The following SYNJ2 variants were observed in gnomAD, a reference collection of about 807,000 sequenced individuals.
The protein encoded by SYNJ2 is polyphosphatidylinositol phosphatase SYNJ2.
A neutral mutation model predicts 141.3 loss-of-function variants in SYNJ2; 116 were observed. The observed-to-expected ratio is 0.82, with a 90% CI of 0.71 to 0.96. The LOEUF is 0.96. SYNJ2 is among the 40% of genes least tolerant of loss of function. SYNJ2 has a pLI of 0.00. For missense variants in SYNJ2, 1,873 were observed against 1,934.8 expected (o/e 0.97, Z 0.60); for synonymous variants, 745 against 777.7 (o/e 0.96, Z 0.70).
intron 25 of SYNJ2, among the ~76,000 whole-genome samples, chr6:158,091,182 T>C (rs753802832): frequency 6.6e-6 from 1 of 150,978 alleles, no homozygotes; most frequent in Non-Finnish European, 1.5e-5. Context: ...CCGGGCGTGA[T>C]GGTGGGTGAC....
chr6:158,069,964 C>T (rs1275989226), intron 14 of SYNJ2, among the ~76,000 whole-genome samples: 2 of 152,154 alleles, frequency 1.3e-5, no homozygotes, highest in East Asian at 3.8e-4. Context: ...GAAAAGGGTT[C>T]CTTGTTGGAA....
chr6:158,067,205 G>C (rs1256916050), intron 12 of SYNJ2, among the ~76,000 whole-genome samples: 7 of 152,218 alleles, frequency 4.6e-5, no homozygotes, highest in Non-Finnish European at 7.4e-5. Context: ...TTTTAGTAGA[G>C]ATGGGGTTTT....
chr6:158,059,408 G>T, intron 7 of SYNJ2, 55 bp downstream of exon 7: 5 of 1,543,022 alleles, frequency 3.2e-6, no homozygotes, highest in Non-Finnish European at 4.4e-6. Flanking sequence ...GGCCATGGTG[G>T]AGCGTTGAGC....
At chr6:158,037,415 TTTTG>T (rs1296932769) in intron 4 of SYNJ2, among the ~76,000 whole-genome samples, 2 of 147,612 alleles carry the variant, frequency 1.4e-5, no homozygotes, top group African/African-American at 5.1e-5. Context: ...TTTTTTTTTT[TTTTG>T]GAGACGGAGT....
At chr6:158,041,697 G>A (rs531909492) in intron 4 of SYNJ2, among the ~76,000 whole-genome samples, 41 of 152,266 alleles carry the variant, frequency 2.7e-4, no homozygotes, top group African/African-American at 3.6e-4. Flanking sequence ...TAAATAGATC[G>A]TGGGCATTGG....
chr6:157,987,388 A>G (rs1397225650), intron 1 of SYNJ2, among the ~76,000 whole-genome samples: 1 of 151,916 alleles, frequency 6.6e-6, no homozygotes, highest in Non-Finnish European at 1.5e-5. Flanking sequence ...ATCACCTCAA[A>G]TACTTCTTTG....
chr6:158,070,217 C>T lies in SYNJ2; in HGVS notation c.1940+544C>T. 2.0e-6 allele frequency: 2 copies of T among 985,466 alleles called. No individual in the cohort carries two copies. The highest frequency in any genetic ancestry group is 2.4e-6 in the Non-Finnish European group (2 of 829,992). 61.0% of individuals were successfully genotyped at this position (985,466 alleles called of 1,614,324 possible). The stretch of plus-strand genomic sequence containing the variant: ...CTGGAGGAACTCATCTTTTCCCCAG[C>T]TTGTGGTTGGCCTCATCTTACCACC... On this transcript the variant is annotated intron_variant, in intron 14 of 26. Transcript: ENST00000355585. The surrounding 1 kb of genome is among the most constrained non-coding windows in gnomAD (Gnocchi z 4.0).
intron 23 of SYNJ2, 48 bp from the exon 24 acceptor site, chr6:158,088,612 G>C (rs1160205154): frequency 6.9e-7 from 1 of 1,443,480 alleles, no homozygotes; most frequent in Non-Finnish European, 9.7e-7. Flanking sequence ...TGGCTGGGAA[G>C]TTGTGCCTTC....
intron 26 of SYNJ2, among the ~76,000 whole-genome samples, chr6:158,093,453 A>AC (rs33918121): frequency 0.099 from 4,458 of 44,846 alleles, 89 homozygotes; most frequent in African/African-American, 0.18. Flanking sequence ...AAAAAAACAA[A>AC]AAAAAAAAAA....
chr6:158,041,196 G>A (rs1211445442), intron 4 of SYNJ2, among the ~76,000 whole-genome samples: 2 of 152,122 alleles, frequency 1.3e-5, no homozygotes, highest in Admixed American at 1.3e-4. Context: ...CCACCCTGCT[G>A]GGCAAATGGG....
chr6:157,981,887 G>T lies in SYNJ2; in HGVS notation c.-75G>T. ...TGAAACTCTGGCAAGTTGCGGGCGC[G>T]CGGGGAGCTGTCGCGGGCAGCGCGC... On this transcript the variant is annotated 5_prime_UTR_variant, in exon 1 of 27. Coordinates refer to ENST00000355585, the MANE Select transcript of SYNJ2 (RefSeq NM_003898.4). The surrounding 1 kb of genome is among the most constrained non-coding windows in gnomAD (Gnocchi z 6.4). 8.4e-7 allele frequency: 1 copy of T among 1,192,198 alleles called. No individual in the cohort carries two copies. Among genetic ancestry groups the T allele is most frequent in the East Asian group, 3.3e-5 (1 of 30,578 alleles). The allele number at this position is 1,192,198 out of a possible 1,614,324, so 73.9% of individuals were successfully genotyped here.
rs772575524 is a variant in SYNJ2, at chr6:158,043,378, C to G, written c.774C>G (p.Phe258Leu). 26 of 1,613,978 alleles carry G rather than the reference C, an allele frequency of 1.6e-5. No homozygotes were observed. In the East Asian group the frequency reaches 3.8e-4, roughly 24 times the overall value. The change falls in exon 5 of 27, where the codon TTC becomes TTG. Residue 258 changes from phenylalanine (F) to leucine (L), a missense_variant. Physicochemically the swap from Phe to Leu is conservative, Grantham distance 22 (BLOSUM62 0). Transcript: ENST00000355585. The surrounding 1 kb of genome is among the most constrained non-coding windows in gnomAD (Gnocchi z 4.0). Reference protein sequence around the residue: ...FVQIRGSVPLFWEQPGLQVGS... With the variant: ...FVQIRGSVPLLWEQPGLQVGS... ...AGATCAGAGGCTCCGTTCCGCTGTT[C>G]TGGGAACAGCCAGGGCTTCAGGTAG...
chr6:158,068,285 G>C (rs896012582), intron 12 of SYNJ2, among the ~76,000 whole-genome samples: 1 of 152,094 alleles, frequency 6.6e-6, no homozygotes, highest in East Asian at 1.9e-4. Context: ...TGGGGAGGTG[G>C]GCCTCTCACT....
chr6:157,983,868 C>T (rs923175237), intron 1 of SYNJ2, among the ~76,000 whole-genome samples: 1 of 151,668 alleles, frequency 6.6e-6, no homozygotes. Context: ...TCTTCTGTTG[C>T]CTAGGCTGGC....
Position 158,092,947 on chromosome 6 carries a change from G to T in SYNJ2, c.3587G>T (p.Ser1196Ile), listed in dbSNP as rs1210781149. The T allele has an allele frequency of 1.9e-6, 3 of 1,595,060 alleles. No homozygotes were observed. Among genetic ancestry groups the T allele is most frequent in the African/African-American group, 2.7e-5 (2 of 73,102 alleles). ...ARGGASEEALSAVAPRDLEAS... is the reference protein window; with the variant it reads ...ARGGASEEALIAVAPRDLEAS... The stretch of plus-strand genomic sequence containing the variant: ...TCAGGTGCCTCCGAAGAAGCCCTAA[G>T]TGCCGTGGCCCCAAGGGACCTTGAA... The change falls in exon 26 of 27, where the codon AGT (serine) becomes ATT (isoleucine). Residue 1196 changes from serine (S) to isoleucine (I), a missense_variant. Ser to Ile is a moderately radical substitution (Grantham distance 142). Coordinates refer to ENST00000355585, the MANE Select transcript of SYNJ2 (RefSeq NM_003898.4).
chr6:158,095,497 C>T, intron 26 of SYNJ2, 121 bp from the exon 27 acceptor site: 1 of 1,318,042 alleles, frequency 7.6e-7, no homozygotes, highest in Non-Finnish European at 1.0e-6. Context: ...TCTCAAATCT[C>T]GAATTTGCTA....
chr6:158,023,734 A>T (rs1209977522), intron 2 of SYNJ2, among the ~76,000 whole-genome samples: 1 of 152,212 alleles, frequency 6.6e-6, no homozygotes, highest in Admixed American at 6.5e-5. Flanking sequence ...ACAAAGGGAC[A>T]GTTCAAAAGC....
chr6:157,993,400 A>G (rs951027469), intron 1 of SYNJ2, among the ~76,000 whole-genome samples: 1 of 151,938 alleles, frequency 6.6e-6, no homozygotes, highest in Non-Finnish European at 1.5e-5. Context: ...TTTCCTGTAG[A>G]ATTGTTTGAG....
chr6:157,990,601 G>C (rs576573273), intron 1 of SYNJ2, among the ~76,000 whole-genome samples: 1 of 152,314 alleles, frequency 6.6e-6, no homozygotes, highest in South Asian at 2.1e-4. Context: ...GTTGTTAGCG[G>C]CTGCTGCTCA....
Sources: gnomAD v4.1 joint callset for allele counts (sites outside exome capture counted in the v4.1 genomes callset) on GRCh38, gnomAD v4.1.1 for gene constraint, Gnocchi (gnomAD v3.1) non-coding constraint, MANE v1.5 for transcripts, NCBI Gene and HGNC (gene_info 2026-07-23, HGNC 2026-07-21) for gene names.